The following MAST4 variants were observed in gnomAD, a reference collection of about 807,000 sequenced individuals.
MAST4 encodes the protein microtubule associated serine/threonine kinase family member 4.
Under a neutral mutation model 162.7 loss-of-function variants are expected in MAST4, and 89 were observed. That is an observed-to-expected ratio of 0.55 (90% confidence interval 0.46 to 0.65). The LOEUF (loss-of-function observed/expected upper bound fraction) is 0.65, where lower values mean the gene tolerates loss of function less well. MAST4 is among the 30% of genes least tolerant of loss of function. The probability of loss-of-function intolerance (pLI) is 0.00; values close to 1 mark genes in which losing one functional copy is unlikely to be tolerated. For missense variants in MAST4, 3,153 were observed against 3,374.0 expected (o/e 0.93, Z 1.62); for synonymous variants, 1,479 against 1,361.1 (o/e 1.09, Z -1.91).
intron 4 of MAST4, among the ~76,000 whole-genome samples, chr5:66,981,591 T>C (rs1748843942): frequency 6.6e-6 from 1 of 152,224 alleles, no homozygotes; most frequent in Non-Finnish European, 1.5e-5. Context: ...TTGTCAGAAA[T>C]TGGCCAGAAG....
At chr5:67,126,557 T>C (rs1341994193) in intron 14 of MAST4, among the ~76,000 whole-genome samples, 1 of 152,212 alleles carries the variant, frequency 6.6e-6, no homozygotes, top group African/African-American at 2.4e-5. Context: ...TGGTTGTAGA[T>C]ATATGGCATT....
At chr5:66,870,180 A>C (rs904118426) in intron 3 of MAST4, among the ~76,000 whole-genome samples, 1 of 152,188 alleles carries the variant, frequency 6.6e-6, no homozygotes, top group African/African-American at 2.4e-5. Flanking sequence ...TTACAGACTT[A>C]ATGCTAAATC....
chr5:66,668,779 GAA>G (rs375316285), intron 1 of MAST4, among the ~76,000 whole-genome samples: 1 of 152,340 alleles, frequency 6.6e-6, no homozygotes, highest in African/African-American at 2.4e-5. Context: ...CCATGTTTGT[GAA>G]ATATGATTTG....
intron 11 of MAST4, among the ~76,000 whole-genome samples, chr5:67,111,250 A>G (rs1766199621): frequency 6.6e-6 from 1 of 152,230 alleles, no homozygotes; most frequent in Admixed American, 6.5e-5. Flanking sequence ...CACATACAAT[A>G]CAGCTTTTCA....
intron 4 of MAST4, among the ~76,000 whole-genome samples, chr5:67,017,839 C>T (rs568371888): frequency 1.3e-5 from 2 of 152,048 alleles, no homozygotes; most frequent in South Asian, 2.1e-4. Context: ...CCTTGTGATC[C>T]GGCCACCTCG....
At chr5:66,651,037 C>T (rs1746182260) in intron 1 of MAST4, among the ~76,000 whole-genome samples, 1 of 152,158 alleles carries the variant, frequency 6.6e-6, no homozygotes, top group Non-Finnish European at 1.5e-5. Flanking sequence ...TGAATTACTG[C>T]TGTTACATAC....
chr5:66,624,677 G>A (rs909992500), intron 1 of MAST4, among the ~76,000 whole-genome samples: 1 of 152,150 alleles, frequency 6.6e-6, no homozygotes, highest in Non-Finnish European at 1.5e-5. Context: ...CAACAGCATG[G>A]TACTGCTATA....
rs200339280 is a variant in MAST4 at position 67,164,579 on chromosome 5, G to A, written c.5400G>A (p.Pro1800=). The A allele has an allele frequency of 3.0e-5, 48 of 1,613,838 alleles. No individual in the cohort carries two copies. Among genetic ancestry groups the A allele is most frequent in the African/African-American group, 1.3e-4 (10 of 74,902 alleles). Residue 1800 remains proline, a synonymous_variant, in exon 29 of 29, where the codon CCG becomes CCA. Transcript: ENST00000403625. The surrounding 1 kb of genome is among the most constrained non-coding windows in gnomAD (Gnocchi z 5.3). ...GTAGGTCTGTCTCATGCCTGAAGCC[G>A]ATCGAGGGCACTCTGGACATTGCTC... ...LEGRSVSCLK[P]IEGTLDIALL...
At chr5:66,989,669 C>G (rs1400693305) in intron 4 of MAST4, among the ~76,000 whole-genome samples, 1 of 152,004 alleles carries the variant, frequency 6.6e-6, no homozygotes, top group Non-Finnish European at 1.5e-5. Context: ...CAGGGAGTTT[C>G]CAAGAATTTT....
chr5:67,012,249 A>G (rs1447706955), intron 4 of MAST4, among the ~76,000 whole-genome samples: 1 of 152,234 alleles, frequency 6.6e-6, no homozygotes, highest in African/African-American at 2.4e-5. Context: ...TCAAGGAATC[A>G]TTTGAATTCC....
chr5:66,606,082 C>T (rs1742862689), intron 1 of MAST4, among the ~76,000 whole-genome samples: 1 of 152,114 alleles, frequency 6.6e-6, no homozygotes, highest in Admixed American at 6.5e-5. Flanking sequence ...ATCAGGTTAC[C>T]TGTCATTCCT....
intron 3 of MAST4, among the ~76,000 whole-genome samples, chr5:66,816,695 G>A (rs1458608798): frequency 3.9e-5 from 6 of 152,086 alleles, no homozygotes; most frequent in African/African-American, 1.2e-4. Flanking sequence ...CATTACCCAT[G>A]TTTGCCTTTG....
intron 5 of MAST4, among the ~76,000 whole-genome samples, chr5:67,064,308 G>A (rs1759974111): frequency 6.6e-6 from 1 of 152,146 alleles, no homozygotes; most frequent in Admixed American, 6.5e-5. Context: ...AGAGCAGACG[G>A]GTGCCCACAA....
chr5:66,824,360 C>T (rs927232676), intron 3 of MAST4, among the ~76,000 whole-genome samples: 6 of 152,200 alleles, frequency 3.9e-5, no homozygotes, highest in African/African-American at 1.4e-4. Flanking sequence ...GTCACTCTTC[C>T]TTCTGGCTAG....
chr5:67,040,784 T>G lies in MAST4; in HGVS notation c.675-13620T>G, dbSNP rs190416535. Among the ~76,000 whole-genome samples the G allele has an allele frequency of 2.0e-5, 3 of 152,344 alleles. No individual in the cohort carries two copies. The East Asian group carries it at 5.8e-4, about 29-fold the overall frequency. On this transcript the variant is annotated intron_variant, in intron 4 of 28. Transcript: ENST00000403625. ...AGATATTAATTTATAAGTGTACATA[T>G]AATCATTATTGGGCCTAGGCCCTTC...
chr5:66,846,406 T>G lies in MAST4; in HGVS notation c.643-53545T>G, dbSNP rs1022094238. Among the ~76,000 whole-genome samples the G allele has an allele frequency of 4.6e-5, 7 of 152,208 alleles. No homozygotes were observed. The South Asian group carries it at 1.4e-3, about 32-fold the overall frequency. On this transcript the variant is annotated intron_variant, in intron 3 of 28. Coordinates refer to ENST00000403625, the MANE Select transcript of MAST4 (RefSeq NM_001164664.2). ...GCCTTGAGGAGCTAAAGCTATGATG[T>G]ATTTTTTTCAATTGTAGGCTTAGAG...
intron 1 of MAST4, among the ~76,000 whole-genome samples, chr5:66,619,189 G>A (rs902854397): frequency 6.6e-6 from 1 of 152,094 alleles, no homozygotes; most frequent in African/African-American, 2.4e-5. Context: ...TATAGTAGAC[G>A]GTTTTGCATT....
At chr5:66,709,221 T>C (rs1038459766) in intron 1 of MAST4, among the ~76,000 whole-genome samples, 2 of 152,190 alleles carry the variant, frequency 1.3e-5, no homozygotes, top group Admixed American at 1.3e-4. Flanking sequence ...ATACTTTGCT[T>C]TGTTTGAAAT....
intron 4 of MAST4, among the ~76,000 whole-genome samples, chr5:66,995,718 A>G (rs911928655): frequency 5.3e-5 from 8 of 152,060 alleles, no homozygotes; most frequent in African/African-American, 1.9e-4. Context: ...TTTTAAATTT[A>G]AAACAACCTA....
Sources: allele counts gnomAD v4.1 joint callset (sites outside exome capture counted in the v4.1 genomes callset), GRCh38; gene constraint gnomAD v4.1.1; non-coding constraint Gnocchi (gnomAD v3.1); transcripts MANE v1.5; gene names NCBI Gene and HGNC (gene_info 2026-07-23, HGNC 2026-07-21).